The following ITGA2 variants were observed in gnomAD, a reference collection of about 807,000 sequenced individuals.
The protein encoded by ITGA2 is integrin alpha-2.
In ITGA2, 101 loss-of-function variants were observed where a neutral mutation model predicts 146.3. The observed-to-expected ratio is 0.69, with a 90% CI of 0.59 to 0.81. The LOEUF is 0.81. Ranked by LOEUF, ITGA2 falls within the 40% of genes least tolerant of loss-of-function variation. The pLI, the probability that ITGA2 is intolerant of heterozygous loss-of-function variation, is 0.00. For synonymous variants in ITGA2, 477 were observed against 487.1 expected (o/e 0.98, Z 0.27); for missense variants, 1,281 against 1,402.7 (o/e 0.91, Z 1.39).
rs2287872 is a variant in ITGA2, at chr5:53,071,836, A to T, written c.2236-102A>T. 0.88 allele frequency: 726,487 copies of T among 824,040 alleles called. 323,054 individuals carry two copies. Among genetic ancestry groups the T allele is most frequent in the Admixed American group, 0.92 (46,846 of 50,656 alleles). The allele number at this position is 824,040 out of a possible 1,614,324, so 51.0% of individuals were successfully genotyped here. ...CATAATTGAGAGCTGACTGTGCTCT[A>T]AATTGTAAACACATTTGGAATCATT... On this transcript the variant is annotated intron_variant, in intron 17 of 29. Coordinates refer to ENST00000296585, the MANE Select transcript of ITGA2 (RefSeq NM_002203.4).
At chr5:53,085,957 G>A (rs973366633) in intron 27 of ITGA2, among the ~76,000 whole-genome samples, 2 of 152,110 alleles carry the variant, frequency 1.3e-5, no homozygotes, top group Non-Finnish European at 2.9e-5. Flanking sequence ...TGCCCAGGCT[G>A]GAGTGCAGTG....
chr5:53,013,185 C>G (rs152088), intron 1 of ITGA2, among the ~76,000 whole-genome samples: 2 of 151,792 alleles, frequency 1.3e-5, no homozygotes, highest in South Asian at 2.1e-4. Flanking sequence ...AGCCAATGTT[C>G]GGAATGGTAT....
intron 9 of ITGA2, 97 bp from the exon 10 acceptor site, chr5:53,057,928 G>A: frequency 1.2e-6 from 1 of 819,564 alleles, no homozygotes; most frequent in Middle Eastern, 2.2e-4. Flanking sequence ...TTGTGTTTGT[G>A]TTTGTAGGCA....
In ITGA2 at chr5:53,080,552, C is replaced by A. The variant is rs1325220914; in HGVS notation, c.2970C>A (p.Ile990=). 1 of 1,613,586 alleles carries A rather than the reference C, an allele frequency of 6.2e-7. No individual in the cohort carries two copies. The highest frequency in any genetic ancestry group is 8.5e-7 in the Non-Finnish European group (1 of 1,179,730). The change falls in exon 25 of 30, where the codon ATC becomes ATA. Residue 990 remains isoleucine, a synonymous_variant. Coordinates refer to ENST00000296585, the MANE Select transcript of ITGA2 (RefSeq NM_002203.4). ...TTCCAGTAAGCATGGCAACTGTAATCATCCACATCCCTCAGTATACCAAAG... is the reference window on the plus strand; with the variant it reads ...TTCCAGTAAGCATGGCAACTGTAATAATCCACATCCCTCAGTATACCAAAG... The part of the protein sequence containing the change: ...GSVPVSMATV[I]IHIPQYTKEK...
chr5:53,074,124 T>A (rs1302921716), intron 20 of ITGA2, among the ~76,000 whole-genome samples: 1 of 151,896 alleles, frequency 6.6e-6, no homozygotes, highest in Non-Finnish European at 1.5e-5. Flanking sequence ...AAAACTATCA[T>A]TTTTTTCTGG....
In ITGA2 at chr5:53,006,187, T is replaced by G. The variant is rs371828959; in HGVS notation, c.64+16655T>G. On this transcript the variant is annotated intron_variant, in intron 1 of 29. Transcript: ENST00000296585. ...CACGTTTACCTATGGAACACAAACC[T>G]GCACATTCTGCACATGTATCCCAGA... is the stretch of plus-strand genomic sequence containing the variant. Among the ~76,000 whole-genome samples, 33 of 152,126 alleles carry G rather than the reference T, an allele frequency of 2.2e-4. 2 individuals carry two copies. The highest frequency in any genetic ancestry group is 1.6e-3 in the Admixed American group (24 of 15,270).
Position 53,073,034 on chromosome 5 carries a change from GT to G in ITGA2, c.2430-78del, listed in dbSNP as rs1745470976. On this transcript the variant is annotated intron_variant, in intron 19 of 29. Transcript: ENST00000296585. The stretch of plus-strand genomic sequence containing the variant: ...ATTCTAAGTAAGTCTAAAGAGTTTA[GT>G]TTTTTAATGAGTGAAATTTTAAAAT... 11 of 1,423,118 alleles carry G rather than the reference GT, an allele frequency of 7.7e-6. No homozygotes were observed. The Admixed American group carries it at 1.4e-4, about 18-fold the overall frequency. The allele number at this position is 1,423,118 out of a possible 1,614,324, so 88.2% of individuals were successfully genotyped here.
rs1180870166 is a variant in ITGA2 at position 53,092,847 on chromosome 5, C to T, written c.*2248C>T. On this transcript the variant is annotated 3_prime_UTR_variant, in exon 30 of 30. Coordinates refer to ENST00000296585, the MANE Select transcript of ITGA2 (RefSeq NM_002203.4). Reference sequence around the variant, plus strand: ...CAATGTGGCCAGGCACGGTGGCTCACACCTGTAATCCCAACACTTTGGGAG... The same window carrying T: ...CAATGTGGCCAGGCACGGTGGCTCATACCTGTAATCCCAACACTTTGGGAG... 1 of 152,260 alleles carries T rather than the reference C, an allele frequency of 6.6e-6. No individual in the cohort carries two copies. The highest frequency in any genetic ancestry group is 1.5e-5 in the Non-Finnish European group (1 of 68,130). 9.4% of individuals were successfully genotyped at this position (152,260 alleles called of 1,614,324 possible). A position where few individuals can be genotyped will look rare whatever the true frequency, so the allele number is the denominator to read the frequency against.
At chr5:53,080,146 C>T (rs1745846697) in intron 24 of ITGA2, among the ~76,000 whole-genome samples, 1 of 152,176 alleles carries the variant, frequency 6.6e-6, no homozygotes, top group African/African-American at 2.4e-5. Context: ...TACCACATGT[C>T]TCACAAAGTC....
In ITGA2 at chr5:53,091,233, C is replaced by A. The variant is rs1740404439; in HGVS notation, c.*634C>A. On this transcript the variant is annotated 3_prime_UTR_variant, in exon 30 of 30. Transcript: ENST00000296585. ...TGCCCCTTCCACACCCCATCTTGCT[C>A]TAATGATCAAAACATGCTTGAATAA... 6.2e-6 allele frequency: 1 copy of A among 160,808 alleles called. No individual in the cohort carries two copies. The highest frequency in any genetic ancestry group is 6.0e-5 in the Admixed American group (1 of 16,722). 10.0% of individuals were successfully genotyped at this position (160,808 alleles called of 1,614,324 possible).
chr5:53,086,078 A>G (rs183022586), intron 27 of ITGA2, among the ~76,000 whole-genome samples: 183 of 151,688 alleles, frequency 1.2e-3, no homozygotes, highest in African/African-American at 4.1e-3. Context: ...CTAATTTTTT[A>G]TATTTTTTAG....
chr5:53,008,790 G>A (rs775671180), intron 1 of ITGA2, among the ~76,000 whole-genome samples: 2 of 152,024 alleles, frequency 1.3e-5, no homozygotes, highest in South Asian at 4.2e-4. Context: ...CTTCCTGACT[G>A]CAGAGTGTTT....
At chr5:53,063,636 A>C (rs1419183898) in intron 13 of ITGA2, among the ~76,000 whole-genome samples, 1 of 151,922 alleles carries the variant, frequency 6.6e-6, no homozygotes, top group Non-Finnish European at 1.5e-5. Flanking sequence ...AGAAAAGGAG[A>C]AGCTGATGTT....
intron 23 of ITGA2, among the ~76,000 whole-genome samples, chr5:53,076,780 A>C (rs758661989): frequency 7.9e-5 from 12 of 152,100 alleles, no homozygotes; most frequent in Non-Finnish European, 1.5e-4. Context: ...TTGTAATGGC[A>C]ACTTGAATTC....
intron 9 of ITGA2, 74 bp from the exon 10 acceptor site, chr5:53,057,951 C>T (rs537023186): frequency 2.1e-5 from 22 of 1,040,104 alleles, no homozygotes; most frequent in African/African-American, 1.1e-4. Flanking sequence ...TGTGTACATA[C>T]GTGCCTGCTT....
chr5:53,091,138 G>A lies in ITGA2; in HGVS notation c.*539G>A. ...CTGCTCATCCAAAGTTGCCACAGAT[G>A]ATACTTCCAAGTGATAATTTTATTT... is the stretch of plus-strand genomic sequence containing the variant. On this transcript the variant is annotated 3_prime_UTR_variant, in exon 30 of 30. Transcript: ENST00000296585. The A allele has an allele frequency of 5.5e-6, 1 of 181,380 alleles. No homozygotes were observed. The allele number at this position is 181,380 out of a possible 1,614,324, so 11.2% of individuals were successfully genotyped here.
At chr5:53,015,787 G>A (rs529432593) in intron 1 of ITGA2, among the ~76,000 whole-genome samples, 11 of 152,180 alleles carry the variant, frequency 7.2e-5, no homozygotes, top group South Asian at 2.1e-4. Context: ...GGGTGCATAC[G>A]TATTTAGGGT....
At position 53,067,002 on chromosome 5, in the gene ITGA2, A is replaced by G. The variant is rs1745178739; in HGVS notation, c.1944-116A>G. 6 of 1,031,908 alleles carry G rather than the reference A, an allele frequency of 5.8e-6. No homozygotes were observed. The East Asian group carries it at 1.0e-4, about 17-fold the overall frequency. The allele number at this position is 1,031,908 out of a possible 1,614,324, so 63.9% of individuals were successfully genotyped here. A position where few individuals can be genotyped will look rare whatever the true frequency, so the allele number is the denominator to read the frequency against. On this transcript the variant is annotated intron_variant, in intron 15 of 29. Transcript: ENST00000296585. ...TATATACTACTGCTAAAGTGCTTTG[A>G]TAGAGAGTAGAGAGAAAAATTCAGT...
intron 2 of ITGA2, among the ~76,000 whole-genome samples, chr5:53,028,342 T>TG (rs1743052291): frequency 6.6e-6 from 1 of 152,156 alleles, no homozygotes; most frequent in South Asian, 2.1e-4. Flanking sequence ...TGTTAACTAA[T>TG]GTGAGGAGAC....
Sources: allele counts gnomAD v4.1 joint callset (sites outside exome capture counted in the v4.1 genomes callset), GRCh38; gene constraint gnomAD v4.1.1; transcripts MANE v1.5; gene names NCBI Gene and HGNC (gene_info 2026-07-23, HGNC 2026-07-21).